Variants in PLXDC2 observed in about 807,000 individuals in gnomAD.
PLXDC2 encodes plexin domain containing 2.
In PLXDC2, 40 loss-of-function variants were observed where a neutral mutation model predicts 68.9. The ratio of observed to expected loss-of-function variants is 0.58; its 90% confidence interval spans 0.45 to 0.76. The LOEUF is 0.76. Among genes scored for constraint, PLXDC2 ranks in the 30% least tolerant of loss-of-function variants. The probability of loss-of-function intolerance (pLI) is 0.00; values close to 1 mark genes in which losing one functional copy is unlikely to be tolerated. For synonymous variants in PLXDC2, 243 were observed against 234.2 expected (o/e 1.04, Z -0.34); for missense variants, 644 against 661.9 (o/e 0.97, Z 0.30).
chr10:20,180,996 CA>C (rs1834595960), intron 9 of PLXDC2, among the ~76,000 whole-genome samples: 3 of 152,136 alleles, frequency 2.0e-5, no homozygotes, highest in South Asian at 2.1e-4. Context: ...TGAAAAAAGA[CA>C]GACAAAATCA....
chr10:20,211,799 A>ATTT lies in PLXDC2; in HGVS notation c.1122+73_1122+75dup. The ATTT allele has an allele frequency of 7.7e-6, 11 of 1,429,134 alleles. No homozygotes were observed. The South Asian group carries it at 1.4e-4, about 18-fold the overall frequency. The allele number at this position is 1,429,134 out of a possible 1,614,324, so 88.5% of individuals were successfully genotyped here. On this transcript the variant is annotated intron_variant, in intron 10 of 13. Transcript: ENST00000377252. ...TATACATGTGTTTTAACTGTTAATAATTTTTATTCAAAATTTATGCCCTAA... is the reference window on the plus strand; with the variant it reads ...TATACATGTGTTTTAACTGTTAATAATTTTTTTTATTCAAAATTTATGCCCTAA...
intron 1 of PLXDC2, among the ~76,000 whole-genome samples, chr10:19,966,825 G>T (rs1028910235): frequency 6.6e-6 from 1 of 151,694 alleles, no homozygotes; most frequent in Non-Finnish European, 1.5e-5. Flanking sequence ...TTTTCCCCCA[G>T]CATGCTTCCC....
At chr10:20,009,744 A>G in intron 2 of PLXDC2, among the ~76,000 whole-genome samples, 1 of 149,284 alleles carries the variant, frequency 6.7e-6, no homozygotes, top group East Asian at 2.0e-4. Flanking sequence ...CATACTAGAT[A>G]GCGTGTTTTA....
At chr10:19,915,679 C>T (rs1375569881) in intron 1 of PLXDC2, among the ~76,000 whole-genome samples, 1 of 151,934 alleles carries the variant, frequency 6.6e-6, no homozygotes, top group Non-Finnish European at 1.5e-5. Flanking sequence ...TCTTGAGGTC[C>T]CTAGAAACTC....
At chr10:20,099,073 GA>G (rs1402645950) in intron 4 of PLXDC2, among the ~76,000 whole-genome samples, 1 of 151,964 alleles carries the variant, frequency 6.6e-6, no homozygotes, top group Non-Finnish European at 1.5e-5. Flanking sequence ...TTTTTGATAT[GA>G]AAAAATATAG....
At chr10:20,266,132 C>T (rs755978059) in intron 13 of PLXDC2, among the ~76,000 whole-genome samples, 5 of 152,014 alleles carry the variant, frequency 3.3e-5, no homozygotes, top group African/African-American at 7.2e-5. Context: ...TCACATAAGA[C>T]GTTTATTAGA....
At chr10:20,140,013 T>A (rs3107824) in intron 4 of PLXDC2, among the ~76,000 whole-genome samples, 140,070 of 152,218 alleles carry the variant, frequency 0.92, 64,563 homozygotes, top group Non-Finnish European at 0.95. Flanking sequence ...TAATAAAAAT[T>A]AAAACGGCCA....
Position 19,981,602 on chromosome 10 carries a change from C to A in PLXDC2, c.113-20173C>A, listed in dbSNP as rs557580868. Among the ~76,000 whole-genome samples, 7 of 152,260 alleles carry A rather than the reference C, an allele frequency of 4.6e-5. No homozygotes were observed. In the South Asian group the frequency reaches 1.4e-3, roughly 32 times the overall value. On this transcript the variant is annotated intron_variant, in intron 1 of 13. Coordinates refer to ENST00000377252, the MANE Select transcript of PLXDC2 (RefSeq NM_032812.9). ...AAGCTTACTCAGAACATGGAAGCATCTCTGCACAAAATGATGGGTCAAGAT... is the reference window on the plus strand; with the variant it reads ...AAGCTTACTCAGAACATGGAAGCATATCTGCACAAAATGATGGGTCAAGAT...
intron 1 of PLXDC2, among the ~76,000 whole-genome samples, chr10:19,932,431 G>A (rs1416295301): frequency 6.6e-6 from 1 of 152,168 alleles, no homozygotes; most frequent in Non-Finnish European, 1.5e-5. Context: ...GACAAGGCTT[G>A]AAATATCTTT....
chr10:20,176,174 C>A (rs1286778393), intron 7 of PLXDC2, among the ~76,000 whole-genome samples: 2 of 152,076 alleles, frequency 1.3e-5, no homozygotes, highest in African/African-American at 4.8e-5. Flanking sequence ...TGCTAATTAA[C>A]CTTCCTTAGA....
intron 3 of PLXDC2, among the ~76,000 whole-genome samples, chr10:20,063,361 A>G (rs899485315): frequency 6.6e-6 from 1 of 152,210 alleles, no homozygotes; most frequent in Non-Finnish European, 1.5e-5. Context: ...GACGGTAAAT[A>G]AGAAACTGTC....
intron 1 of PLXDC2, among the ~76,000 whole-genome samples, chr10:19,869,421 C>CAGAA (rs751879101): frequency 0.045 from 5,467 of 122,376 alleles, 184 homozygotes; most frequent in Middle Eastern, 0.075. Context: ...AAGACTCTAC[C>CAGAA]AGAAAGAAAG....
intron 9 of PLXDC2, among the ~76,000 whole-genome samples, chr10:20,194,190 CTGTGTG>C (rs58142621): frequency 0.15 from 22,246 of 143,606 alleles, 1,730 homozygotes; most frequent in African/African-American, 0.2. Context: ...TTGAACTCAG[CTGTGTG>C]TGTGTGTGTG....
intron 10 of PLXDC2, among the ~76,000 whole-genome samples, chr10:20,215,437 A>G (rs758282827): frequency 2.6e-5 from 4 of 152,044 alleles, no homozygotes; most frequent in Non-Finnish European, 4.4e-5. Flanking sequence ...GGAAAGCAGT[A>G]TAATGTCAGG....
chr10:20,238,662 A>AATATATAT (rs1554777528), intron 12 of PLXDC2, among the ~76,000 whole-genome samples: 1 of 31,726 alleles, frequency 3.2e-5, no homozygotes, highest in South Asian at 1.1e-3. Context: ...TCTCAAAAAA[A>AATATATAT]ATATATATAT....
At chr10:19,832,871 C>T (rs146092649) in intron 1 of PLXDC2, among the ~76,000 whole-genome samples, 4 of 152,182 alleles carry the variant, frequency 2.6e-5, no homozygotes, top group Non-Finnish European at 4.4e-5. Context: ...ACGCTTTTGA[C>T]GCCAGATGGG....
chr10:20,062,453 TA>T (rs1193268543), intron 3 of PLXDC2, among the ~76,000 whole-genome samples: 3 of 151,820 alleles, frequency 2.0e-5, no homozygotes, highest in Admixed American at 6.6e-5. Flanking sequence ...AAAATAAATT[TA>T]AAAAATTAAA....
chr10:20,071,233 A>T (rs911786050), intron 4 of PLXDC2: 1 of 152,226 alleles, frequency 6.6e-6, no homozygotes, highest in Non-Finnish European at 1.5e-5. Context: ...CATTTCATTC[A>T]ATCAGTGTTT....
At chr10:19,999,133 G>T (rs115621685) in intron 1 of PLXDC2, among the ~76,000 whole-genome samples, 3 of 152,170 alleles carry the variant, frequency 2.0e-5, no homozygotes, top group East Asian at 3.9e-4. Context: ...CATGCAGAAG[G>T]CTCCTCCAGT....
Sources: gnomAD v4.1 joint callset for allele counts (sites outside exome capture counted in the v4.1 genomes callset) on GRCh38, gnomAD v4.1.1 for gene constraint, MANE v1.5 for transcripts, NCBI Gene and HGNC (gene_info 2026-07-23, HGNC 2026-07-21) for gene names.